RFC1: variants seen among roughly 807,000 people sequenced by gnomAD.
RFC1 encodes the protein replication factor C subunit 1.
RFC1 carries 37 observed loss-of-function variants against 137.4 expected under a neutral mutation model. The ratio of observed to expected loss-of-function variants is 0.27; its 90% confidence interval spans 0.21 to 0.35. The LOEUF is 0.35. Among genes scored for constraint, RFC1 ranks in the 10% least tolerant of loss-of-function variants. The probability of loss-of-function intolerance (pLI) is 1.00; values close to 1 mark genes in which losing one functional copy is unlikely to be tolerated. For missense variants in RFC1, 1,205 were observed against 1,358.5 expected, an observed-to-expected ratio of 0.89 and a Z score of 1.78; for synonymous variants, 429 against 455.7, an observed-to-expected ratio of 0.94 and a Z score of 0.75.
intron 18 of RFC1, 26 bp from the exon 19 acceptor site, chr4:39,302,402 G>A (rs190887448): frequency 9.0e-5 from 141 of 1,573,114 alleles, no homozygotes; most frequent in Middle Eastern, 1.7e-4. Flanking sequence ...ATAAGACAAC[G>A]TCAAGATAGG....
At chr4:39,347,052 G>A (rs947043705) in intron 2 of RFC1, among the ~76,000 whole-genome samples, 2 of 152,330 alleles carry the variant, frequency 1.3e-5, no homozygotes, top group South Asian at 2.1e-4. Context: ...TTCCTACACT[G>A]TATCGTTCAC....
At position 39,287,834 on chromosome 4, in the gene RFC1, G is replaced by A. The variant is rs969742034; in HGVS notation, c.*927C>T. The stretch of plus-strand genomic sequence containing the variant: ...AGGGGCAAAGTGAACAAAAGCCAGT[G>A]TTCATTTTGTCCCCCACCATAGTGA... On this transcript the variant is annotated 3_prime_UTR_variant, in exon 25 of 25. Coordinates refer to ENST00000349703, the MANE Select transcript of RFC1 (RefSeq NM_002913.5). 2 of 152,210 alleles carry A rather than the reference G, an allele frequency of 1.3e-5. No homozygotes were observed. The highest frequency in any genetic ancestry group is 4.8e-5 in the African/African-American group (2 of 41,430). The allele number at this position is 152,210 out of a possible 1,614,324, so 9.4% of individuals were successfully genotyped here. A position where few individuals can be genotyped will look rare whatever the true frequency, so the allele number is the denominator to read the frequency against.
intron 1 of RFC1, among the ~76,000 whole-genome samples, chr4:39,364,177 A>G (rs1032224859): frequency 6.6e-6 from 1 of 151,720 alleles, no homozygotes; most frequent in African/African-American, 2.4e-5. Flanking sequence ...GAAAATTTGC[A>G]TATCATTCAC....
intron 22 of RFC1, among the ~76,000 whole-genome samples, chr4:39,293,548 T>C (rs1411189037): frequency 6.6e-6 from 1 of 152,180 alleles, no homozygotes; most frequent in African/African-American, 2.4e-5. Flanking sequence ...AAAAGTTCAG[T>C]GACTTGATCA....
chr4:39,308,480 C>T (rs1560597153), intron 13 of RFC1, among the ~76,000 whole-genome samples, 156 bp downstream of exon 13: 1 of 152,142 alleles, frequency 6.6e-6, no homozygotes, highest in Non-Finnish European at 1.5e-5. Context: ...CACAACACCA[C>T]CAGCAGGGTC....
chr4:39,365,545 G>A (rs1280344511), intron 1 of RFC1: 15 of 961,162 alleles, frequency 1.6e-5, no homozygotes, highest in Non-Finnish European at 1.9e-5. Context: ...ATGCAGTGAG[G>A]CTTGGGTTTT....
At chr4:39,329,940 C>T (rs577188575) in intron 4 of RFC1, among the ~76,000 whole-genome samples, 5 of 152,074 alleles carry the variant, frequency 3.3e-5, no homozygotes, top group African/African-American at 1.2e-4. Flanking sequence ...GCAGCTGAGG[C>T]AGGAGAATCA....
At chr4:39,334,909 G>T (rs1370116663) in intron 4 of RFC1, among the ~76,000 whole-genome samples, 2 of 152,174 alleles carry the variant, frequency 1.3e-5, no homozygotes. Flanking sequence ...CTCTGTGTTA[G>T]ATACATTCAT....
chr4:39,328,506 AAAC>A (rs1021947707), intron 4 of RFC1, among the ~76,000 whole-genome samples: 1 of 152,228 alleles, frequency 6.6e-6, no homozygotes, highest in African/African-American at 2.4e-5. Flanking sequence ...CCTCTTTGAT[AAAC>A]AACATTTTAA....
rs376187267 is a variant in RFC1 at position 39,303,146 on chromosome 4, C to T, written c.2116G>A (p.Ala706Thr). ...TGTTTCGTGCTTACTGAAGAGGCTGCTCCATCTGACCCAGGTTGAGGAGCA... is the reference window on the plus strand; with the variant it reads ...TGTTTCGTGCTTACTGAAGAGGCTGTTCCATCTGACCCAGGTTGAGGAGCA... ...TSIKGFYSNG[A>T]ASSVSTKHAL... Residue 706 changes from alanine to threonine, a missense_variant, in exon 16 of 25, where the codon GCA (alanine) becomes ACA (threonine). Ala to Thr is a moderately conservative substitution (Grantham distance 58). This residue lies in a region of RFC1 where 962 missense variants were observed against 1,035.3 expected (regional missense o/e 0.93). Coordinates refer to ENST00000349703, the MANE Select transcript of RFC1 (RefSeq NM_002913.5). 1.2e-5 allele frequency: 19 copies of T among 1,612,062 alleles called. No homozygotes were observed. In the African/African-American group the frequency reaches 1.7e-4, roughly 15 times the overall value.
chr4:39,308,620 G>A lies in RFC1; in HGVS notation c.1885+16C>T. 3.1e-6 allele frequency: 5 copies of A among 1,600,000 alleles called. No homozygotes were observed. The highest frequency in any genetic ancestry group is 1.7e-4 in the Middle Eastern group (1 of 5,982). ...GATATACACACACACAAAAATGAGTGAGGTTGTAAAATCACCGTGTTTTTT... is the reference window on the plus strand; with the variant it reads ...GATATACACACACACAAAAATGAGTAAGGTTGTAAAATCACCGTGTTTTTT... On this transcript the variant is annotated intron_variant, in intron 13 of 24. Transcript: ENST00000349703.
intron 24 of RFC1, 81 bp downstream of exon 24, chr4:39,289,766 GT>G: frequency 1.1e-6 from 1 of 910,700 alleles, no homozygotes; most frequent in Non-Finnish European, 1.8e-6. Context: ...ATTCTGCTAT[GT>G]GCTGAAAAGG....
chr4:39,303,326 A>G lies in RFC1; in HGVS notation c.2111-175T>C, dbSNP rs1276609350. Reference sequence around the variant, plus strand: ...AAAAAAAAAAAAAGAATATGCAGAGAAGAGAAACTCTCCCTGCCACCCCTT... The same window carrying G: ...AAAAAAAAAAAAAGAATATGCAGAGGAGAGAAACTCTCCCTGCCACCCCTT... On this transcript the variant is annotated intron_variant, in intron 15 of 24. Coordinates refer to ENST00000349703, the MANE Select transcript of RFC1 (RefSeq NM_002913.5). 1.9e-5 allele frequency: 11 copies of G among 590,644 alleles called. No homozygotes were observed. In the East Asian group the frequency reaches 3.1e-4, roughly 16 times the overall value. 36.6% of individuals were successfully genotyped at this position (590,644 alleles called of 1,614,324 possible). A position where few individuals can be genotyped will look rare whatever the true frequency, so the allele number is the denominator to read the frequency against.
intron 19 of RFC1, 43 bp downstream of exon 19, chr4:39,302,235 T>A (rs1738395739): frequency 3.2e-6 from 4 of 1,247,790 alleles, no homozygotes; most frequent in Middle Eastern, 1.9e-4. Context: ...ACAAGAAGTG[T>A]TTTGGCTTAG....
chr4:39,351,270 A>C (rs1741184238), intron 2 of RFC1, 78 bp downstream of exon 2: 2 of 662,764 alleles, frequency 3.0e-6, no homozygotes, highest in African/African-American at 1.8e-5. Context: ...AAAAAAAAAA[A>C]AAAAAAAAAA....
rs117732011 is a variant in RFC1 at position 39,352,515 on chromosome 4, A to T, written c.4-1039T>A. Among the ~76,000 whole-genome samples, 65 of 152,362 alleles carry T rather than the reference A, an allele frequency of 4.3e-4. No individual in the cohort carries two copies. In the East Asian group the frequency reaches 7.5e-3, roughly 18 times the overall value. ...TAGAGGAAAGGGAACAGACCTTAGAATCAGAAGCCTTAATTCAAATCTGTG... is the reference window on the plus strand; with the variant it reads ...TAGAGGAAAGGGAACAGACCTTAGATTCAGAAGCCTTAATTCAAATCTGTG... On this transcript the variant is annotated intron_variant, in intron 1 of 24. Transcript: ENST00000349703.
At chr4:39,296,589 T>C (rs1344267847) in intron 21 of RFC1, among the ~76,000 whole-genome samples, 2 of 151,456 alleles carry the variant, frequency 1.3e-5, no homozygotes. Flanking sequence ...AACTCATCAT[T>C]TTTGATGGCT....
chr4:39,295,514 AAAACT>A, intron 22 of RFC1, 95 bp downstream of exon 22: 1 of 1,028,674 alleles, frequency 9.7e-7, no homozygotes, highest in Non-Finnish European at 1.4e-6. Flanking sequence ...CAATAAAATA[AAAACT>A]AAAACACAAA....
rs774454174 is a variant in RFC1 at position 39,300,114 on chromosome 4, C to G, written c.2715G>C (p.Met905Ile). 7.4e-6 allele frequency: 12 copies of G among 1,614,096 alleles called. No homozygotes were observed. The East Asian group carries it at 2.7e-4, about 36-fold the overall frequency. The change falls in exon 21 of 25, where the codon ATG becomes ATC. Residue 905 changes from methionine to isoleucine, a missense_variant. Met to Ile is a conservative substitution (Grantham distance 10). Transcript: ENST00000349703. ...TGCTGTCTGCTGCTCTGCTTAAAAG[C>G]ATCAGGTGCTTTTTCATGTCACCCC... ...AAGGDMKKHL[M>I]LLSRAADSIC... is the part of the protein sequence containing the mutation.
Sources: allele counts gnomAD v4.1 joint callset (sites outside exome capture counted in the v4.1 genomes callset), GRCh38; gene constraint gnomAD v4.1.1; regional missense constraint gnomAD v4.1.1; transcripts MANE v1.5; gene names NCBI Gene and HGNC (gene_info 2026-07-23, HGNC 2026-07-21).